Variants in BBS9 observed in about 807,000 individuals in gnomAD.
BBS9 encodes Bardet-Biedl syndrome 9, also known as protein PTHB1.
Under a neutral mutation model 117.7 loss-of-function variants are expected in BBS9, and 89 were observed. The observed-to-expected ratio is 0.76, with a 90% CI of 0.64 to 0.90. BBS9 has a LOEUF of 0.90. Among genes scored for constraint, BBS9 ranks in the 40% least tolerant of loss-of-function variants. The probability of loss-of-function intolerance (pLI) is 0.00; values close to 1 mark genes in which losing one functional copy is unlikely to be tolerated. For missense variants in BBS9, 982 were observed against 1,042.2 expected (o/e 0.94, Z 0.80); for synonymous variants, 379 against 370.9 (o/e 1.02, Z -0.25).
intron 19 of BBS9, among the ~76,000 whole-genome samples, chr7:33,403,221 G>A (rs886909702): frequency 6.6e-6 from 1 of 151,080 alleles, no homozygotes. Flanking sequence ...TACCCAGTAG[G>A]TAGTTTTTCA....
chr7:33,470,845 T>G (rs1840914952), intron 19 of BBS9, among the ~76,000 whole-genome samples: 1 of 152,138 alleles, frequency 6.6e-6, no homozygotes, highest in Non-Finnish European at 1.5e-5. Flanking sequence ...GGACACTCAT[T>G]CAGGGGGGTG....
At chr7:33,403,563 G>A (rs1446561431) in intron 19 of BBS9, among the ~76,000 whole-genome samples, 1 of 147,528 alleles carries the variant, frequency 6.8e-6, no homozygotes, top group Non-Finnish European at 1.5e-5. Flanking sequence ...AGAACATGTG[G>A]TGTTTGGTTT....
At chr7:33,332,714 CAAAA>C (rs1814390029) in intron 9 of BBS9, among the ~76,000 whole-genome samples, 2 of 150,390 alleles carry the variant, frequency 1.3e-5, no homozygotes, top group Non-Finnish European at 3.0e-5. Context: ...ACAACAAAAA[CAAAA>C]AAGAAAAACA....
chr7:33,237,313 A>G (rs1255434919), intron 5 of BBS9, among the ~76,000 whole-genome samples: 49 of 152,224 alleles, frequency 3.2e-4, no homozygotes, highest in Non-Finnish European at 4.4e-5. Flanking sequence ...TTCATGTCCA[A>G]ACACACAGAC....
chr7:33,157,138 G>A (rs527898484), intron 4 of BBS9, among the ~76,000 whole-genome samples: 78 of 152,216 alleles, frequency 5.1e-4, no homozygotes, highest in African/African-American at 1.7e-3. Context: ...CTAGAAATTC[G>A]ATTAGACACT....
chr7:33,448,602 A>T (rs1837323547), intron 19 of BBS9, among the ~76,000 whole-genome samples: 1 of 152,250 alleles, frequency 6.6e-6, no homozygotes, highest in South Asian at 2.1e-4. Context: ...CCTGTAATGT[A>T]AGCATTCAGT....
At chr7:33,507,222 GT>G (rs1585057985) in intron 20 of BBS9, among the ~76,000 whole-genome samples, 1 of 152,022 alleles carries the variant, frequency 6.6e-6, no homozygotes, top group Admixed American at 6.6e-5. Context: ...TGCAAGATCA[GT>G]TTTTTTGTTT....
intron 21 of BBS9, among the ~76,000 whole-genome samples, chr7:33,561,791 A>T (rs1168731563): frequency 6.6e-6 from 1 of 152,218 alleles, no homozygotes; most frequent in Non-Finnish European, 1.5e-5. Flanking sequence ...ATGTCATGGT[A>T]AGATTTCTTA....
chr7:33,383,920 C>A, intron 18 of BBS9, 82 bp downstream of exon 18: 2 of 1,403,594 alleles, frequency 1.4e-6, no homozygotes, highest in Non-Finnish European at 2.0e-6. Flanking sequence ...ATTCTGTATG[C>A]ATGCCATTAG....
chr7:33,456,561 G>A (rs1337006192), intron 19 of BBS9, among the ~76,000 whole-genome samples: 1 of 151,356 alleles, frequency 6.6e-6, no homozygotes, highest in African/African-American at 2.4e-5. Context: ...TTGTTTTTGA[G>A]TTAAAAAAAC....
At chr7:33,149,716 G>A (rs1793001356) in intron 2 of BBS9, among the ~76,000 whole-genome samples, 1 of 152,152 alleles carries the variant, frequency 6.6e-6, no homozygotes, top group Non-Finnish European at 1.5e-5. Flanking sequence ...AATTCCTGGG[G>A]AATCCCATAT....
intron 20 of BBS9, among the ~76,000 whole-genome samples, chr7:33,506,464 T>G (rs538926267): frequency 1.3e-5 from 2 of 152,286 alleles, no homozygotes; most frequent in South Asian, 4.2e-4. Flanking sequence ...TTTTGAGTGG[T>G]TATTAGGTAC....
At chr7:33,356,819 T>C (rs551117391) in intron 15 of BBS9, among the ~76,000 whole-genome samples, 2 of 151,824 alleles carry the variant, frequency 1.3e-5, no homozygotes, top group Non-Finnish European at 3.0e-5. Context: ...TTTGCTATTT[T>C]TAAGCAGCTC....
At chr7:33,430,695 G>A (rs1354997967) in intron 19 of BBS9, among the ~76,000 whole-genome samples, 2 of 152,122 alleles carry the variant, frequency 1.3e-5, no homozygotes, top group Non-Finnish European at 2.9e-5. Flanking sequence ...ATAAAATCTG[G>A]GACAATGTTT....
chr7:33,616,491 GTGTATA>G (rs922860723), intron 21 of BBS9, among the ~76,000 whole-genome samples: 39 of 138,744 alleles, frequency 2.8e-4, no homozygotes, highest in Non-Finnish European at 6.2e-5. Context: ...GTGTGTGTGT[GTGTATA>G]TATATATATA....
At chr7:33,487,997 T>TGTGACA (rs543242920) in intron 19 of BBS9, among the ~76,000 whole-genome samples, 11 of 152,278 alleles carry the variant, frequency 7.2e-5, no homozygotes, top group African/African-American at 2.6e-4. Flanking sequence ...ATTATAAAAC[T>TGTGACA]GTGACAGTGA....
intron 20 of BBS9, among the ~76,000 whole-genome samples, chr7:33,520,327 C>T (rs1322993896): frequency 6.6e-6 from 1 of 152,130 alleles, no homozygotes; most frequent in Non-Finnish European, 1.5e-5. Context: ...ATAGTTTTTA[C>T]TTCTGTTGCT....
chr7:33,556,607 C>CT (rs1420249115), intron 21 of BBS9, among the ~76,000 whole-genome samples: 1 of 152,160 alleles, frequency 6.6e-6, no homozygotes, highest in East Asian at 1.9e-4. Context: ...TAAAGGTGTA[C>CT]TGGTCAGAGG....
intron 19 of BBS9, among the ~76,000 whole-genome samples, chr7:33,404,214 G>T (rs1225248547): frequency 3.9e-5 from 6 of 151,912 alleles, no homozygotes; most frequent in Non-Finnish European, 1.5e-5. Context: ...TCTCTGTTTT[G>T]GTACCAGTAC....
Sources: gnomAD v4.1 joint callset for allele counts (sites outside exome capture counted in the v4.1 genomes callset) on GRCh38, gnomAD v4.1.1 for gene constraint, MANE v1.5 for transcripts, NCBI Gene and HGNC (gene_info 2026-07-23, HGNC 2026-07-21) for gene names.